Variants in CYP4F22 observed in about 807,000 individuals in gnomAD.
The protein encoded by CYP4F22 is cytochrome P450 family 4 subfamily F member 22.
Under a neutral mutation model 60.4 loss-of-function variants are expected in CYP4F22, and 37 were observed. That is an observed-to-expected ratio of 0.61 (90% CI 0.47 to 0.81). CYP4F22 has a LOEUF of 0.81. Ranked by LOEUF, CYP4F22 falls within the 30% of genes least tolerant of loss-of-function variation. The probability of loss-of-function intolerance (pLI) is 0.00; values close to 1 mark genes in which losing one functional copy is unlikely to be tolerated. For missense variants in CYP4F22, 655 were observed against 715.0 expected, an observed-to-expected ratio of 0.92 and a Z score of 0.96; for synonymous variants, 258 against 280.5, an observed-to-expected ratio of 0.92 and a Z score of 0.80.
At chr19:15,514,441 A>G (rs1157797729) in intron 1 of CYP4F22, among the ~76,000 whole-genome samples, 1 of 152,210 alleles carries the variant, frequency 6.6e-6, no homozygotes, top group Non-Finnish European at 1.5e-5. Flanking sequence ...TAATCCCAGC[A>G]CTTTGGGAGG....
chr19:15,540,560 G>C lies in CYP4F22; in HGVS notation c.782G>C (p.Gly261Ala). 1 of 1,614,238 alleles carries C rather than the reference G, an allele frequency of 6.2e-7. No individual in the cohort carries two copies. Among genetic ancestry groups the C allele is most frequent in the Non-Finnish European group, 8.5e-7 (1 of 1,180,046 alleles). The change falls in exon 8 of 14, where the codon GGG becomes GCG. Residue 261 changes from glycine to alanine, a missense_variant. By Grantham distance (60) the Gly-to-Ala change is moderately conservative. Transcript: ENST00000269703. ...TTCATTTACTACCGCTCGGCGGATG[G>C]GCGGAGGTTCCGGCAGGCCTGTGAC... is the stretch of plus-strand genomic sequence containing the variant. ...LDFIYYRSADGRRFRQACDMV... is the reference protein window; with the variant it reads ...LDFIYYRSADARRFRQACDMV...
Position 15,544,041 on chromosome 19 carries a change from A to G in CYP4F22, c.1006+4A>G. 3 of 1,614,042 alleles carry G rather than the reference A, an allele frequency of 1.9e-6. No homozygotes were observed. Among genetic ancestry groups the G allele is most frequent in the Non-Finnish European group, 2.5e-6 (3 of 1,180,012 alleles). ...GCAGACACCTTCATGTTTGAGGGTG[A>G]GGATGTGGGGTGAGGCTGGAGGAGG... On this transcript the variant is annotated splice_donor_region_variant and intron_variant, in intron 9 of 13. Transcript: ENST00000269703.
chr19:15,519,218 C>G (rs1843824158), intron 1 of CYP4F22, among the ~76,000 whole-genome samples: 1 of 151,558 alleles, frequency 6.6e-6, no homozygotes. Context: ...CCAACATTTA[C>G]AAACCGGGTG....
chr19:15,550,501 C>A (rs1000127939), intron 12 of CYP4F22, among the ~76,000 whole-genome samples, 173 bp from the exon 13 acceptor site: 1 of 152,098 alleles, frequency 6.6e-6, no homozygotes, highest in East Asian at 1.9e-4. Flanking sequence ...TGCGTGTGAA[C>A]AACAGAAGGA....
At position 15,537,369 on chromosome 19, in the gene CYP4F22, G is replaced by A. The variant is rs146689227; in HGVS notation, c.376G>A (p.Ala126Thr). ...KPLLGASAAI[A>T]PKDDLFYGFL... is the part of the protein sequence containing the mutation. ...CCCTTTGCCCTCCACAGCTGCCATC[G>A]CCCCCAAGGATGACCTCTTCTATGG... The change falls in exon 5 of 14, where the codon GCC becomes ACC. Residue 126 changes from alanine (A) to threonine (T), a missense_variant. Physicochemically the swap from Ala to Thr is moderately conservative, Grantham distance 58 (BLOSUM62 0). Around this residue, in one of 3 missense-constraint regions of CYP4F22, gnomAD observed 430 missense variants for 457.1 expected, o/e 0.94. Transcript: ENST00000269703. 146 of 1,613,892 alleles carry A rather than the reference G, an allele frequency of 9.0e-5. No individual in the cohort carries two copies. The highest frequency in any genetic ancestry group is 2.2e-4 in the Admixed American group (13 of 59,974).
chr19:15,519,531 G>T, intron 1 of CYP4F22, among the ~76,000 whole-genome samples: 1 of 152,162 alleles, frequency 6.6e-6, no homozygotes, highest in East Asian at 1.9e-4. Flanking sequence ...CCAAAGTGCT[G>T]GGATTACAGA....
At position 15,548,324 on chromosome 19, in the gene CYP4F22, C is replaced by T. The variant is rs1971557187; in HGVS notation, c.1270+83C>T. 7.6e-6 allele frequency: 12 copies of T among 1,578,260 alleles called. No homozygotes were observed. In the South Asian group the frequency reaches 1.2e-4, roughly 16 times the overall value. ...ATTGTCCACAGGGGCCTGGCTATGC[C>T]TGCCCCAGGTGCACTATCCCTGCAG... On this transcript the variant is annotated intron_variant, in intron 11 of 13. Transcript: ENST00000269703.
chr19:15,521,169 T>C (rs1971220596), intron 1 of CYP4F22, among the ~76,000 whole-genome samples: 1 of 152,032 alleles, frequency 6.6e-6, no homozygotes, highest in Admixed American at 6.6e-5. Context: ...TATTCCATTA[T>C]GTGGATGGAC....
At position 15,544,187 on chromosome 19, in the gene CYP4F22, G is replaced by C; in HGVS notation, c.1044G>C (p.Leu348=). The stretch of plus-strand genomic sequence containing the variant: ...CATCCAGTGGGATCTCTTGGATGCT[G>C]TTCAATTTGGCAAAGTATCCGGAAT... The part of the protein sequence containing the change: ...DTTSSGISWM[L]FNLAKYPEYQ... Residue 348 remains leucine (L), a synonymous_variant, in exon 10 of 14, where the codon CTG becomes CTC. Coordinates refer to ENST00000269703, the MANE Select transcript of CYP4F22 (RefSeq NM_173483.4). The C allele has an allele frequency of 3.1e-6, 5 of 1,614,174 alleles. No individual in the cohort carries two copies. Among genetic ancestry groups the C allele is most frequent in the Non-Finnish European group, 4.2e-6 (5 of 1,180,044 alleles).
chr19:15,545,527 T>C (rs900291675), intron 10 of CYP4F22, among the ~76,000 whole-genome samples: 3 of 150,484 alleles, frequency 2.0e-5, no homozygotes, highest in Non-Finnish European at 3.0e-5. Context: ...CGCATGCCTA[T>C]AGTCCCAGCT....
In CYP4F22 at chr19:15,543,924, G is replaced by A. The variant is rs369538951; in HGVS notation, c.940-47G>A. 5.5e-5 allele frequency: 89 copies of A among 1,605,808 alleles called. 2 individuals are homozygous for A. Among genetic ancestry groups the A allele is most frequent in the South Asian group, 3.5e-4 (32 of 90,846 alleles). ...GAGTTTTGAGGAGCCCCTAGGATGC[G>A]GAGGGTGGGATGAAGTGGGCTGAGC... is the stretch of plus-strand genomic sequence containing the variant. On this transcript the variant is annotated intron_variant, in intron 8 of 13. Transcript: ENST00000269703.
At chr19:15,526,314 C>G (rs1345361728) in intron 3 of CYP4F22, among the ~76,000 whole-genome samples, 1 of 152,118 alleles carries the variant, frequency 6.6e-6, no homozygotes, top group East Asian at 1.9e-4. Flanking sequence ...ACTCTTCTCC[C>G]TTGAATGCTG....
chr19:15,537,255 C>G, intron 4 of CYP4F22, 106 bp from the exon 5 acceptor site: 2 of 1,441,274 alleles, frequency 1.4e-6, no homozygotes, highest in South Asian at 2.3e-5. Context: ...GAGTGGAGAT[C>G]GCACCACTGC....
Position 15,548,089 on chromosome 19 carries a change from A to G in CYP4F22, c.1137-19A>G. The G allele has an allele frequency of 1.2e-6, 2 of 1,610,298 alleles. No homozygotes were observed. The highest frequency in any genetic ancestry group is 1.7e-6 in the Non-Finnish European group (2 of 1,179,024). On this transcript the variant is annotated intron_variant, in intron 10 of 13. Transcript: ENST00000269703. ...TGCCATGGTGGCTCGGCCTCTAGTTATATCTCCATTCTCCCCAGGGACGAT... is the reference window on the plus strand; with the variant it reads ...TGCCATGGTGGCTCGGCCTCTAGTTGTATCTCCATTCTCCCCAGGGACGAT...
rs771699597 is a variant in CYP4F22, at chr19:15,543,960, G to A, written c.940-11G>A. ...TGAAGTGGGCTGAGCACCCTCTACT[G>A]CCCATTCCAGGATGAAGATGGAAAG... On this transcript the variant is annotated splice_polypyrimidine_tract_variant and intron_variant, in intron 8 of 13. Transcript: ENST00000269703. The A allele has an allele frequency of 1.2e-6, 2 of 1,613,724 alleles. No individual in the cohort carries two copies. The highest frequency in any genetic ancestry group is 2.7e-5 in the African/African-American group (2 of 74,828).
At chr19:15,518,647 CAAAAAAAAAA>C (rs748509278) in intron 1 of CYP4F22, among the ~76,000 whole-genome samples, 2 of 23,514 alleles carry the variant, frequency 8.5e-5, no homozygotes, top group African/African-American at 3.1e-4. Flanking sequence ...GACTTTGTCT[CAAAAAAAAAA>C]AAAAAAAAAA....
At chr19:15,534,884 T>G (rs1971379559) in intron 4 of CYP4F22, among the ~76,000 whole-genome samples, 1 of 152,026 alleles carries the variant, frequency 6.6e-6, no homozygotes, top group South Asian at 2.1e-4. Flanking sequence ...CCAGGGGAAT[T>G]CAGGTGATTT....
intron 1 of CYP4F22, among the ~76,000 whole-genome samples, chr19:15,512,123 C>T (rs753914533): frequency 2.0e-5 from 3 of 152,160 alleles, no homozygotes; most frequent in Non-Finnish European, 4.4e-5. Context: ...TTGTGAGCTA[C>T]GTGACAAGGC....
chr19:15,528,331 G>C (rs1326655779), intron 3 of CYP4F22, among the ~76,000 whole-genome samples: 1 of 152,118 alleles, frequency 6.6e-6, no homozygotes, highest in East Asian at 1.9e-4. Context: ...TGCATACCTA[G>C]AGTCCCAGTG....
Sources: allele counts gnomAD v4.1 joint callset (sites outside exome capture counted in the v4.1 genomes callset), GRCh38; gene constraint gnomAD v4.1.1; regional missense constraint gnomAD v4.1.1; transcripts MANE v1.5; gene names NCBI Gene and HGNC (gene_info 2026-07-23, HGNC 2026-07-21).